The following GPHN variants were observed in gnomAD, a reference collection of about 807,000 sequenced individuals.
GPHN encodes gephyrin.
In GPHN, 17 loss-of-function variants were observed where a neutral mutation model predicts 95.5. That is an observed-to-expected ratio of 0.18 (90% confidence interval 0.12 to 0.27). The LOEUF is 0.27. GPHN is among the 10% of genes least tolerant of loss of function. GPHN has a pLI of 1.00. For missense variants in GPHN, 660 were observed against 978.1 expected, an observed-to-expected ratio of 0.67 and a Z score of 4.34; for synonymous variants, 320 against 322.5, an observed-to-expected ratio of 0.99 and a Z score of 0.08.
At chr14:67,645,431 G>GC in the GPHN span, among the ~76,000 whole-genome samples, 5 of 152,164 alleles carry the variant, frequency 3.3e-5, no homozygotes, top group Admixed American at 3.3e-4. Flanking sequence ...CTGCAGGGTA[G>GC]CAAGTCACCA....
At chr14:66,611,435 A>G (rs1044483015) in intron 1 of GPHN, among the ~76,000 whole-genome samples, 1 of 152,162 alleles carries the variant, frequency 6.6e-6, no homozygotes, top group Admixed American at 6.6e-5. Context: ...CATAGAAAAT[A>G]TACTCATTGC....
At chr14:67,072,280 C>A (rs1435171465) in intron 11 of GPHN, among the ~76,000 whole-genome samples, 1 of 152,060 alleles carries the variant, frequency 6.6e-6, no homozygotes, top group East Asian at 1.9e-4. Flanking sequence ...TTAGAAATTA[C>A]AACTCATCCC....
the GPHN span, among the ~76,000 whole-genome samples, chr14:67,443,170 A>G: frequency 6.6e-6 from 1 of 152,250 alleles, no homozygotes; most frequent in East Asian, 1.9e-4. Context: ...ACACTGAGCT[A>G]TGACTGCGCC....
the GPHN span, among the ~76,000 whole-genome samples, chr14:67,671,181 T>C: frequency 6.6e-6 from 1 of 152,226 alleles, no homozygotes; most frequent in African/African-American, 2.4e-5. Flanking sequence ...GGGATATGTA[T>C]ATATTTTCTT....
chr14:67,573,328 C>T, the GPHN span: 37 of 1,613,764 alleles, frequency 2.3e-5, no homozygotes, highest in African/African-American at 1.5e-4. The surrounding 1 kb of genome is among the most constrained non-coding windows in gnomAD (Gnocchi z 4.8). Flanking sequence ...CAGGTGAAGA[C>T]GTGGAAGAGG....
intron 3 of GPHN, among the ~76,000 whole-genome samples, chr14:66,794,722 A>G (rs1249601621): frequency 6.6e-6 from 1 of 152,126 alleles, no homozygotes; most frequent in African/African-American, 2.4e-5. Context: ...TAGATTGTCT[A>G]CTTTGGTAAT....
intron 8 of GPHN, among the ~76,000 whole-genome samples, chr14:66,956,611 T>C (rs2068523720): frequency 6.6e-6 from 1 of 151,016 alleles, no homozygotes; most frequent in Non-Finnish European, 1.5e-5. Context: ...ATTGTGGTTT[T>C]GATTTGCATT....
At chr14:66,645,737 T>G (rs1287084683) in intron 1 of GPHN, among the ~76,000 whole-genome samples, 1 of 151,630 alleles carries the variant, frequency 6.6e-6, no homozygotes, top group Non-Finnish European at 1.5e-5. Flanking sequence ...TTTAAACTGA[T>G]TTTATATGCA....
intron 1 of GPHN, among the ~76,000 whole-genome samples, chr14:66,604,854 T>TC (rs1318284359): frequency 1.0e-5 from 1 of 96,932 alleles, no homozygotes. Context: ...TCCCCCTCCC[T>TC]CCCCCCTCCC....
the GPHN span, among the ~76,000 whole-genome samples, chr14:67,545,343 T>A: frequency 6.6e-6 from 1 of 152,176 alleles, no homozygotes; most frequent in Non-Finnish European, 1.5e-5. Context: ...TGCGCTCAGC[T>A]AAAAGTTGGG....
chr14:67,168,987 G>C lies in GPHN; in HGVS notation c.2030G>C (p.Arg677Thr). The change falls in exon 21 of 23, where the codon AGG becomes ACG. Residue 677 changes from arginine to threonine, a missense_variant. Arg to Thr is a moderately conservative substitution (Grantham distance 71, BLOSUM62 -1). This residue lies in a region of GPHN where 48 missense variants were observed against 137.4 expected (regional missense o/e 0.35). Coordinates refer to ENST00000478722, the MANE Select transcript of GPHN (RefSeq NM_020806.5). ...AATCTCTTTGTTGTGCCTGCACTGA[G>C]GAAAATGCAGGGCATCTTGGATCCT... ...TCNLFVVPAL[R>T]KMQGILDPRP... 6.2e-7 allele frequency: 1 copy of C among 1,613,648 alleles called. No homozygotes were observed. The highest frequency in any genetic ancestry group is 1.3e-5 in the African/African-American group (1 of 75,018).
At chr14:67,056,677 C>T (rs1448591972) in intron 10 of GPHN, among the ~76,000 whole-genome samples, 3 of 152,158 alleles carry the variant, frequency 2.0e-5, no homozygotes, top group Non-Finnish European at 4.4e-5. Context: ...TAGTGGATCA[C>T]ACGCCAGGGC....
intron 8 of GPHN, among the ~76,000 whole-genome samples, chr14:66,951,675 A>G (rs752945644): frequency 2.2e-4 from 33 of 152,188 alleles, no homozygotes; most frequent in Non-Finnish European, 4.1e-4. Flanking sequence ...GATTTAGTAT[A>G]ATGATACGAT....
At chr14:66,688,318 A>T (rs1462660801) in intron 2 of GPHN, among the ~76,000 whole-genome samples, 2 of 152,124 alleles carry the variant, frequency 1.3e-5, no homozygotes, top group Non-Finnish European at 2.9e-5. Flanking sequence ...GGCAGAGAAG[A>T]GTTGTCAGGG....
At chr14:67,056,544 T>A (rs1306875702) in intron 10 of GPHN, among the ~76,000 whole-genome samples, 1 of 151,806 alleles carries the variant, frequency 6.6e-6, no homozygotes, top group African/African-American at 2.4e-5. Context: ...TACAGAGCGC[T>A]GATTGGTGCA....
intron 1 of GPHN, among the ~76,000 whole-genome samples, chr14:66,629,272 C>A (rs2063692035): frequency 6.7e-6 from 1 of 148,346 alleles, no homozygotes; most frequent in Non-Finnish European, 1.5e-5. Context: ...TATCTTCAGT[C>A]TGTAAGTTTC....
the GPHN span, among the ~76,000 whole-genome samples, chr14:67,416,556 A>C: frequency 6.6e-6 from 1 of 152,244 alleles, no homozygotes; most frequent in Non-Finnish European, 1.5e-5. Context: ...AATTTTGCCT[A>C]ATTCGTGGCT....
At chr14:67,110,360 TGTTTA>T (rs2078296387) in intron 14 of GPHN, 101 bp downstream of exon 14, 6 of 1,252,448 alleles carry the variant, frequency 4.8e-6, no homozygotes, top group Non-Finnish European at 7.0e-6. Context: ...TTTTTTGGGT[TGTTTA>T]GTTTTGTTTT....
At chr14:67,381,787 A>G in the GPHN span, 5 of 870,174 alleles carry the variant, frequency 5.7e-6, no homozygotes, top group African/African-American at 5.1e-5. Context: ...ATCACATTTC[A>G]TAACAAAAGT....
Sources: gnomAD v4.1 joint callset for allele counts (sites outside exome capture counted in the v4.1 genomes callset) on GRCh38, gnomAD v4.1.1 for gene constraint, gnomAD v4.1.1 regional missense constraint, Gnocchi (gnomAD v3.1) non-coding constraint, MANE v1.5 for transcripts, NCBI Gene and HGNC (gene_info 2026-07-23, HGNC 2026-07-21) for gene names.